The following FEM1A variants were observed in gnomAD, a reference collection of about 807,000 sequenced individuals.
The protein encoded by FEM1A is protein fem-1 homolog A.
Under a neutral mutation model 0.7 loss-of-function variants are expected in FEM1A, and 1 was observed. The observed-to-expected ratio is 1.35, with a 90% CI of 0.48 to 6.40. FEM1A has a LOEUF of 6.40. Ranked by LOEUF, FEM1A falls within the 30% of genes most tolerant of loss-of-function variation. FEM1A has a pLI of 0.14. For missense variants in FEM1A, 721 were observed against 918.7 expected (o/e 0.78, Z 2.78); for synonymous variants, 391 against 420.6 (o/e 0.93, Z 0.86).
rs2093567155 is a variant in FEM1A, at chr19:4,800,365, C to G, written c.*6501C>G. On this transcript the variant is annotated 3_prime_UTR_variant, in exon 1 of 1. Coordinates refer to ENST00000269856, the MANE Select transcript of FEM1A (RefSeq NM_018708.3). ...CTGGAAGGTGTCGAGAGCCAGGCAG[C>G]CAAGCCTGACCTGGGAGATGGGGAA... The G allele has an allele frequency of 6.6e-6, 1 of 152,398 alleles. No individual in the cohort carries two copies. The highest frequency in any genetic ancestry group is 1.5e-5 in the Non-Finnish European group (1 of 68,190). The allele number at this position is 152,398 out of a possible 1,614,324, so 9.4% of individuals were successfully genotyped here. A position where few individuals can be genotyped will look rare whatever the true frequency, so the allele number is the denominator to read the frequency against.
Position 4,794,934 on chromosome 19 carries a change from G to GC in FEM1A, c.*1071dup, listed in dbSNP as rs2093559401. The GC allele has an allele frequency of 4.0e-5, 3 of 75,476 alleles. No individual in the cohort carries two copies. The South Asian group carries it at 1.2e-3, about 30-fold the overall frequency. 4.7% of individuals were successfully genotyped at this position (75,476 alleles called of 1,614,324 possible). On this transcript the variant is annotated 3_prime_UTR_variant, in exon 1 of 1. Coordinates refer to ENST00000269856, the MANE Select transcript of FEM1A (RefSeq NM_018708.3). ...TTAAAACTGCAGGCCACTCTGCCTT[G>GC]CAGTGGCCTCTGATTTCATTGTGGG...
Position 4,792,607 on chromosome 19 carries a change from T to A in FEM1A, c.753T>A (p.Pro251=). The change falls in exon 1 of 1, where the codon CCT becomes CCA. Residue 251 remains proline (P), a synonymous_variant. Coordinates refer to ENST00000269856, the MANE Select transcript of FEM1A (RefSeq NM_018708.3). The surrounding 1 kb of genome is among the most constrained non-coding windows in gnomAD (Gnocchi z 6.7). ...AGGTCGCAGGGGGAGAGGCTCAGCC[T>A]GGGCTGCCCCAAGAAGACCCCTCCA... ...QEQVAGGEAQ[P]GLPQEDPSTS... The A allele has an allele frequency of 6.2e-7, 1 of 1,611,202 alleles. No individual in the cohort carries two copies. Among genetic ancestry groups the A allele is most frequent in the Non-Finnish European group, 8.5e-7 (1 of 1,179,690 alleles).
chr19:4,792,454 G>C lies in FEM1A; in HGVS notation c.600G>C (p.Gln200His), dbSNP rs1173811812. The part of the protein sequence containing the change: ...CAESGSLEIL[Q>H]LLLGCKARME... ...AGTCCGGCAGCCTGGAGATCCTGCA[G>C]CTGCTGCTGGGGTGCAAGGCCCGCA... The change falls in exon 1 of 1, where the codon CAG (glutamine) becomes CAC (histidine). Residue 200 changes from glutamine (Q) to histidine (H), a missense_variant. This residue lies in a region of FEM1A where 195 missense variants were observed against 316.9 expected (regional missense o/e 0.62). Transcript: ENST00000269856. This position sits in a 1 kb window ranked among gnomAD's most constrained non-coding sequence, Gnocchi z 6.7. 1.1e-5 allele frequency: 17 copies of C among 1,596,746 alleles called. No homozygotes were observed. Among genetic ancestry groups the C allele is most frequent in the Non-Finnish European group, 1.3e-5 (15 of 1,179,602 alleles).
rs1302927601 is a variant in FEM1A at position 4,796,140 on chromosome 19, C to T, written c.*2276C>T. ...GGGTACGGTGGCTCACATCTGTAAT[C>T]TCAGCACCTTGGGAAGCCTGGGCAA... is the stretch of plus-strand genomic sequence containing the variant. On this transcript the variant is annotated 3_prime_UTR_variant, in exon 1 of 1. Coordinates refer to ENST00000269856, the MANE Select transcript of FEM1A (RefSeq NM_018708.3). 1 of 150,856 alleles carries T rather than the reference C, an allele frequency of 6.6e-6. No homozygotes were observed. Among genetic ancestry groups the T allele is most frequent in the Non-Finnish European group, 1.5e-5 (1 of 67,904 alleles). 9.3% of individuals were successfully genotyped at this position (150,856 alleles called of 1,614,324 possible).
chr19:4,796,185 C>T lies in FEM1A; in HGVS notation c.*2321C>T, dbSNP rs1367097073. The T allele has an allele frequency of 6.8e-6, 1 of 146,348 alleles. No individual in the cohort carries two copies. Among genetic ancestry groups the T allele is most frequent in the Admixed American group, 6.9e-5 (1 of 14,576 alleles). 9.1% of individuals were successfully genotyped at this position (146,348 alleles called of 1,614,324 possible). A position where few individuals can be genotyped will look rare whatever the true frequency, so the allele number is the denominator to read the frequency against. The stretch of plus-strand genomic sequence containing the variant: ...GGGCAACATAGTAAGACCTCTGTCT[C>T]TACATTTTTTTTTTTTTTTTTTTTG... On this transcript the variant is annotated 3_prime_UTR_variant, in exon 1 of 1. Coordinates refer to ENST00000269856, the MANE Select transcript of FEM1A (RefSeq NM_018708.3).
rs1228006676 is a variant in FEM1A, at chr19:4,794,995, G to C, written c.*1131G>C. ...GGTGGCCCGAGCTGTTCTTTCAGCTGCTCCAAGGATTGAGACCCAAGTCAT... is the reference window on the plus strand; with the variant it reads ...GGTGGCCCGAGCTGTTCTTTCAGCTCCTCCAAGGATTGAGACCCAAGTCAT... On this transcript the variant is annotated 3_prime_UTR_variant, in exon 1 of 1. Coordinates refer to ENST00000269856, the MANE Select transcript of FEM1A (RefSeq NM_018708.3). 4 of 166,994 alleles carry C rather than the reference G, an allele frequency of 2.4e-5. No homozygotes were observed. Among genetic ancestry groups the C allele is most frequent in the African/African-American group, 9.7e-5 (4 of 41,426 alleles). 10.3% of individuals were successfully genotyped at this position (166,994 alleles called of 1,614,324 possible).
Position 4,793,918 on chromosome 19 carries a change from A to G in FEM1A, c.*54A>G. The G allele has an allele frequency of 6.6e-7, 1 of 1,524,064 alleles. No individual in the cohort carries two copies. The highest frequency in any genetic ancestry group is 8.9e-7 in the Non-Finnish European group (1 of 1,126,856). 94.4% of individuals were successfully genotyped at this position (1,524,064 alleles called of 1,614,324 possible). ...CTCCCCTCTCCTGCTGAGATGGGGG[A>G]AATCCGGCTGCGGCATAGCAGATGC... is the stretch of plus-strand genomic sequence containing the variant. On this transcript the variant is annotated 3_prime_UTR_variant, in exon 1 of 1. Coordinates refer to ENST00000269856, the MANE Select transcript of FEM1A (RefSeq NM_018708.3). This position sits in a 1 kb window ranked among gnomAD's most constrained non-coding sequence, Gnocchi z 5.1.
rs2093567448 is a variant in FEM1A at position 4,800,589 on chromosome 19, G to A, written c.*6725G>A. ...CGCCAGGGTCTGTCCCACGCCAGGT[G>A]GCCTGTAAATATGGGCTGAGCAAGC... On this transcript the variant is annotated 3_prime_UTR_variant, in exon 1 of 1. Transcript: ENST00000269856. 1 of 152,376 alleles carries A rather than the reference G, an allele frequency of 6.6e-6. No individual in the cohort carries two copies. The highest frequency in any genetic ancestry group is 2.1e-4 in the South Asian group (1 of 4,836). 9.4% of individuals were successfully genotyped at this position (152,376 alleles called of 1,614,324 possible). A position where few individuals can be genotyped will look rare whatever the true frequency, so the allele number is the denominator to read the frequency against.
chr19:4,796,311 C>T lies in FEM1A; in HGVS notation c.*2447C>T, dbSNP rs2093561063. The T allele has an allele frequency of 2.0e-5, 3 of 151,894 alleles. No homozygotes were observed. 9.4% of individuals were successfully genotyped at this position (151,894 alleles called of 1,614,324 possible). A position where few individuals can be genotyped will look rare whatever the true frequency, so the allele number is the denominator to read the frequency against. On this transcript the variant is annotated 3_prime_UTR_variant, in exon 1 of 1. Transcript: ENST00000269856. ...GGTTCAAGTGATTCTCCTGCCTCAG[C>T]CTCCTGAGCATCTGGGACTACAGGC...
At position 4,798,109 on chromosome 19, in the gene FEM1A, T is replaced by TCAC. The variant is rs1568361217; in HGVS notation, c.*4245_*4246insCAC. 2.2e-5 allele frequency: 3 copies of TCAC among 136,020 alleles called. No individual in the cohort carries two copies. The Admixed American group carries it at 2.2e-4, about 10-fold the overall frequency. 8.4% of individuals were successfully genotyped at this position (136,020 alleles called of 1,614,324 possible). Reference sequence around the variant, plus strand: ...TTAGCCGGGTGTGGTGGCAGGTGCCTGTAGTCCCAGCTACTCCGGAGTCTG... The same window carrying TCAC: ...TTAGCCGGGTGTGGTGGCAGGTGCCTCACGTAGTCCCAGCTACTCCGGAGTCTG... On this transcript the variant is annotated 3_prime_UTR_variant, in exon 1 of 1. Transcript: ENST00000269856.
chr19:4,794,027 A>AG lies in FEM1A; in HGVS notation c.*164dup. The stretch of plus-strand genomic sequence containing the variant: ...ACCTGCAGACAGGGTCGGAGGTGTT[A>AG]GCGAGCCTTTGGTGCTAGAAGCCTG... On this transcript the variant is annotated 3_prime_UTR_variant, in exon 1 of 1. Coordinates refer to ENST00000269856, the MANE Select transcript of FEM1A (RefSeq NM_018708.3). The AG allele has an allele frequency of 1.4e-6, 1 of 730,736 alleles. No individual in the cohort carries two copies. The highest frequency in any genetic ancestry group is 2.7e-5 in the East Asian group (1 of 36,460). 45.3% of individuals were successfully genotyped at this position (730,736 alleles called of 1,614,324 possible). A position where few individuals can be genotyped will look rare whatever the true frequency, so the allele number is the denominator to read the frequency against.
rs780726784 is a variant in FEM1A, at chr19:4,792,041, C to T, written c.187C>T (p.Arg63Trp). The T allele has an allele frequency of 5.2e-6, 8 of 1,537,132 alleles. No homozygotes were observed. Among genetic ancestry groups the T allele is most frequent in the East Asian group, 2.4e-5 (1 of 40,932 alleles). ...GGACGTGGTGGAGTACCTGGTGGAC[C>T]GGTGCGGCGCGAGCGTGGAGGCCGG... ...HLDVVEYLVD[R>W]CGASVEAGGS... Residue 63 changes from arginine to tryptophan, a missense_variant, in exon 1 of 1, where the codon CGG (arginine) becomes TGG (tryptophan). Arg to Trp is a moderately radical substitution (Grantham distance 101, BLOSUM62 -3). Around this residue, in one of 4 missense-constraint regions of FEM1A, gnomAD observed 195 missense variants for 316.9 expected, o/e 0.62. Coordinates refer to ENST00000269856, the MANE Select transcript of FEM1A (RefSeq NM_018708.3). The surrounding 1 kb of genome is among the most constrained non-coding windows in gnomAD (Gnocchi z 6.7).
rs139388502 is a variant in FEM1A, at chr19:4,796,440, C to T, written c.*2576C>T. On this transcript the variant is annotated 3_prime_UTR_variant, in exon 1 of 1. Transcript: ENST00000269856. Reference sequence around the variant, plus strand: ...TCCTGACCTTGTGATCCACTCGCCTCGGCCTCCTAAAGTGCTGGGATTATA... The same window carrying T: ...TCCTGACCTTGTGATCCACTCGCCTTGGCCTCCTAAAGTGCTGGGATTATA... 110 of 152,286 alleles carry T rather than the reference C, an allele frequency of 7.2e-4. 1 individual carries two copies. The East Asian group carries it at 0.02, about 27-fold the overall frequency. The allele number at this position is 152,286 out of a possible 1,614,324, so 9.4% of individuals were successfully genotyped here.
In FEM1A at chr19:4,797,140, T is replaced by C. The variant is rs1253634332; in HGVS notation, c.*3276T>C. 2 of 142,890 alleles carry C rather than the reference T, an allele frequency of 1.4e-5. No homozygotes were observed. Among genetic ancestry groups the C allele is most frequent in the African/African-American group, 5.0e-5 (2 of 39,726 alleles). The allele number at this position is 142,890 out of a possible 1,614,324, so 8.9% of individuals were successfully genotyped here. On this transcript the variant is annotated 3_prime_UTR_variant, in exon 1 of 1. Coordinates refer to ENST00000269856, the MANE Select transcript of FEM1A (RefSeq NM_018708.3). ...AATAATGAAGTAGGAAAAACGGCCC[T>C]CTTAAGATGAAGGTCATCTTTTTTT...
rs562991906 is a variant in FEM1A, at chr19:4,796,916, T to G, written c.*3052T>G. On this transcript the variant is annotated 3_prime_UTR_variant, in exon 1 of 1. Transcript: ENST00000269856. ...CAGCTGTTGGGCTGTTGTATGCCTG[T>G]TTGGTGTTGCATCAAAGGAGTGGGT... 6.6e-6 allele frequency: 1 copy of G among 152,338 alleles called. No homozygotes were observed. Among genetic ancestry groups the G allele is most frequent in the Admixed American group, 6.5e-5 (1 of 15,272 alleles). 9.4% of individuals were successfully genotyped at this position (152,338 alleles called of 1,614,324 possible).
In FEM1A at chr19:4,795,722, CAG is replaced by C. The variant is rs958528453; in HGVS notation, c.*1861_*1862del. 9.9e-5 allele frequency: 14 copies of C among 141,874 alleles called. No individual in the cohort carries two copies. Among genetic ancestry groups the C allele is most frequent in the Non-Finnish European group, 1.5e-4 (10 of 65,854 alleles). The allele number at this position is 141,874 out of a possible 1,614,324, so 8.8% of individuals were successfully genotyped here. A position where few individuals can be genotyped will look rare whatever the true frequency, so the allele number is the denominator to read the frequency against. Reference sequence around the variant, plus strand: ...TGGGGCTTTTTTTTTTTTTTTGAGACAGAGTCTCACCCTGTCCCCCAGGCTGG... The same window carrying C: ...TGGGGCTTTTTTTTTTTTTTTGAGACAGTCTCACCCTGTCCCCCAGGCTGG... On this transcript the variant is annotated 3_prime_UTR_variant, in exon 1 of 1. Coordinates refer to ENST00000269856, the MANE Select transcript of FEM1A (RefSeq NM_018708.3).
Position 4,801,075 on chromosome 19 carries a change from C to A in FEM1A, c.*7211C>A, listed in dbSNP as rs2093567964. On this transcript the variant is annotated 3_prime_UTR_variant, in exon 1 of 1. Transcript: ENST00000269856. ...GGGTTGTACAAGACACCTTGAACTT[C>A]TGCATGAACTGGGACATTCAGAATT... 1 of 152,202 alleles carries A rather than the reference C, an allele frequency of 6.6e-6. No homozygotes were observed. The highest frequency in any genetic ancestry group is 1.5e-5 in the Non-Finnish European group (1 of 68,046). The allele number at this position is 152,202 out of a possible 1,614,324, so 9.4% of individuals were successfully genotyped here.
Position 4,792,446 on chromosome 19 carries a change from A to C in FEM1A, c.592A>C (p.Ile198Leu), listed in dbSNP as rs1568359475. The change falls in exon 1 of 1, where the codon ATC (isoleucine) becomes CTC (leucine). Residue 198 changes from isoleucine (I) to leucine (L), a missense_variant. This residue lies in a region of FEM1A where 195 missense variants were observed against 316.9 expected (regional missense o/e 0.62). Transcript: ENST00000269856. The surrounding 1 kb of genome is among the most constrained non-coding windows in gnomAD (Gnocchi z 6.7). ...CTGCGCCGAGTCCGGCAGCCTGGAG[A>C]TCCTGCAGCTGCTGCTGGGGTGCAA... The part of the protein sequence containing the change: ...HDCAESGSLE[I>L]LQLLLGCKAR... 1.9e-6 allele frequency: 3 copies of C among 1,596,342 alleles called. No homozygotes were observed. Among genetic ancestry groups the C allele is most frequent in the Non-Finnish European group, 2.5e-6 (3 of 1,179,572 alleles).
rs2093566397 is a variant in FEM1A at position 4,799,914 on chromosome 19, A to AT, written c.*6050_*6051insT. On this transcript the variant is annotated 3_prime_UTR_variant, in exon 1 of 1. Transcript: ENST00000269856. Reference sequence around the variant, plus strand: ...AGCAAGACTCTGTCTCAAAAAAAAAAAAAAAAAAAAAAAAAAAAATGGGGC... The same window carrying AT: ...AGCAAGACTCTGTCTCAAAAAAAAAATAAAAAAAAAAAAAAAAAAATGGGGC... The AT allele has an allele frequency of 1.7e-5, 2 of 120,988 alleles. No individual in the cohort carries two copies. Among genetic ancestry groups the AT allele is most frequent in the Admixed American group, 1.8e-4 (2 of 11,234 alleles). 7.5% of individuals were successfully genotyped at this position (120,988 alleles called of 1,614,324 possible). A position where few individuals can be genotyped will look rare whatever the true frequency, so the allele number is the denominator to read the frequency against.
Sources: allele counts gnomAD v4.1 joint callset, GRCh38; gene constraint gnomAD v4.1.1; regional missense constraint gnomAD v4.1.1; non-coding constraint Gnocchi (gnomAD v3.1); transcripts MANE v1.5; gene names NCBI Gene and HGNC (gene_info 2026-07-23, HGNC 2026-07-21).